The following SH3PXD2A variants were observed in gnomAD, a reference collection of about 807,000 sequenced individuals.
SH3PXD2A encodes SH3 and PX domain-containing protein 2A.
In SH3PXD2A, 32 loss-of-function variants were observed where a neutral mutation model predicts 115.2. That is an observed-to-expected ratio of 0.28 (90% confidence interval 0.21 to 0.37). The LOEUF is 0.37. Ranked by LOEUF, SH3PXD2A falls within the 10% of genes least tolerant of loss-of-function variation. The pLI, the probability that SH3PXD2A is intolerant of heterozygous loss-of-function variation, is 1.00. For missense variants in SH3PXD2A, 1,328 were observed against 1,498.7 expected (o/e 0.89, Z 1.88); for synonymous variants, 610 against 629.1 (o/e 0.97, Z 0.45).
chr10:103,793,534 C>T (rs1020007558), intron 2 of SH3PXD2A, among the ~76,000 whole-genome samples: 2 of 152,202 alleles, frequency 1.3e-5, no homozygotes, highest in Non-Finnish European at 2.9e-5. Flanking sequence ...CCATTGCAAA[C>T]AACATGAGGC....
intron 2 of SH3PXD2A, among the ~76,000 whole-genome samples, chr10:103,788,036 G>T (rs1045768955): frequency 6.6e-6 from 1 of 152,134 alleles, no homozygotes; most frequent in Non-Finnish European, 1.5e-5. Context: ...CCCTTCTGTG[G>T]CTGGGAAAAA....
chr10:103,766,424 G>A (rs1432817776), intron 3 of SH3PXD2A, among the ~76,000 whole-genome samples: 3 of 152,126 alleles, frequency 2.0e-5, no homozygotes, highest in South Asian at 2.1e-4. Context: ...CCACTTTTAC[G>A]GGCAGTTCTT....
At chr10:103,676,044 G>GA (rs888327984) in intron 6 of SH3PXD2A, among the ~76,000 whole-genome samples, 252 of 148,770 alleles carry the variant, frequency 1.7e-3, no homozygotes, top group African/African-American at 4.6e-3. Context: ...CGTCTCGGGG[G>GA]AAAAAAAAAA....
intron 2 of SH3PXD2A, among the ~76,000 whole-genome samples, chr10:103,778,869 C>A (rs2038905955): frequency 6.6e-6 from 1 of 152,188 alleles, no homozygotes; most frequent in African/African-American, 2.4e-5. Flanking sequence ...TTTGTCCCAA[C>A]ACAGATAGCT....
intron 8 of SH3PXD2A, among the ~76,000 whole-genome samples, chr10:103,648,122 C>T (rs772461551): frequency 1.3e-5 from 2 of 152,000 alleles, no homozygotes; most frequent in South Asian, 2.1e-4. Context: ...CTGGTGGGCA[C>T]GACACAGGTG....
intron 3 of SH3PXD2A, among the ~76,000 whole-genome samples, chr10:103,745,575 G>C (rs1254453880): frequency 6.6e-6 from 1 of 152,182 alleles, no homozygotes; most frequent in Non-Finnish European, 1.5e-5. Flanking sequence ...TGAACAAATG[G>C]GATCTCTTAT....
chr10:103,793,476 A>C (rs1000102120), intron 2 of SH3PXD2A, among the ~76,000 whole-genome samples: 1 of 152,224 alleles, frequency 6.6e-6, no homozygotes, highest in Non-Finnish European at 1.5e-5. Flanking sequence ...ATCACAGTTG[A>C]CTTAGCAACT....
intron 4 of SH3PXD2A, among the ~76,000 whole-genome samples, chr10:103,726,575 T>C (rs535730583): frequency 9.7e-4 from 147 of 152,238 alleles, no homozygotes; most frequent in African/African-American, 2.9e-3. Context: ...TTATATTTGT[T>C]TAAAGAAATG....
chr10:103,764,193 C>T (rs1349307277), intron 3 of SH3PXD2A, among the ~76,000 whole-genome samples: 2 of 152,168 alleles, frequency 1.3e-5, no homozygotes, highest in Non-Finnish European at 2.9e-5. Flanking sequence ...TGGCCAGGTT[C>T]TGATTGTGTT....
At chr10:103,772,996 G>A (rs2038843300) in intron 2 of SH3PXD2A, among the ~76,000 whole-genome samples, 2 of 152,206 alleles carry the variant, frequency 1.3e-5, no homozygotes, top group Admixed American at 6.5e-5. Flanking sequence ...GGCCAAGGCG[G>A]GGTGGATCAC....
In SH3PXD2A at chr10:103,784,746, A is replaced by T. The variant is rs1363235879; in HGVS notation, c.153+16536T>A. Among the ~76,000 whole-genome samples the T allele has an allele frequency of 6.8e-6, 1 of 147,488 alleles. No homozygotes were observed. Among genetic ancestry groups the T allele is most frequent in the Admixed American group, 6.9e-5 (1 of 14,530 alleles). On this transcript the variant is annotated intron_variant, in intron 2 of 14. Transcript: ENST00000369774. The surrounding 1 kb of genome is among the most constrained non-coding windows in gnomAD (Gnocchi z 4.4). ...GAAGAAGAGGAAAAGAAAGGGGAGG[A>T]GGAGGAGAAGTAAGAAGGAGGAAGG... is the stretch of plus-strand genomic sequence containing the variant.
chr10:103,831,598 T>C (rs965445043), intron 1 of SH3PXD2A, among the ~76,000 whole-genome samples: 15 of 152,214 alleles, frequency 9.9e-5, no homozygotes, highest in African/African-American at 2.9e-4. Flanking sequence ...TGTGGGAGGA[T>C]TGCTTGAGCC....
chr10:103,709,901 T>A (rs1053161276), intron 5 of SH3PXD2A, among the ~76,000 whole-genome samples: 1 of 151,122 alleles, frequency 6.6e-6, no homozygotes, highest in Non-Finnish European at 1.5e-5. Flanking sequence ...AGGTCAGGAG[T>A]TCGAGACCAG....
intron 4 of SH3PXD2A, among the ~76,000 whole-genome samples, chr10:103,733,230 C>G (rs570025556): frequency 6.6e-6 from 1 of 152,284 alleles, no homozygotes; most frequent in Non-Finnish European, 1.5e-5. Context: ...CCCAGCTACG[C>G]GTGGTACACT....
intron 8 of SH3PXD2A, among the ~76,000 whole-genome samples, chr10:103,646,997 T>TCTTGGGGGGG (rs74481460): frequency 7.3e-5 from 11 of 151,460 alleles, no homozygotes; most frequent in African/African-American, 2.7e-4. Flanking sequence ...TCCAACCACC[T>TCTTGGGGGGG]CCCTTGGAGG....
chr10:103,749,205 A>T (rs2038545436), intron 3 of SH3PXD2A, among the ~76,000 whole-genome samples: 1 of 152,136 alleles, frequency 6.6e-6, no homozygotes, highest in African/African-American at 2.4e-5. Flanking sequence ...CTCGGGGAGC[A>T]GCCTGGGCCT....
chr10:103,805,440 T>C (rs777789659), intron 1 of SH3PXD2A, among the ~76,000 whole-genome samples: 6 of 152,214 alleles, frequency 3.9e-5, no homozygotes, highest in South Asian at 4.1e-4. Context: ...CCAGTACTGA[T>C]GAAAACATGG....
chr10:103,761,054 T>C (rs1362391161), intron 3 of SH3PXD2A, among the ~76,000 whole-genome samples: 1 of 152,086 alleles, frequency 6.6e-6, no homozygotes, highest in Non-Finnish European at 1.5e-5. Flanking sequence ...GGCCTGGGAG[T>C]ACAGTTTCTC....
At chr10:103,852,830 C>T (rs1842908749) in intron 1 of SH3PXD2A, among the ~76,000 whole-genome samples, 1 of 152,182 alleles carries the variant, frequency 6.6e-6, no homozygotes, top group South Asian at 2.1e-4. Context: ...AACTTTTTGA[C>T]CACCAGTTAT....
Sources: gnomAD v4.1 joint callset for allele counts (sites outside exome capture counted in the v4.1 genomes callset) on GRCh38, gnomAD v4.1.1 for gene constraint, Gnocchi (gnomAD v3.1) non-coding constraint, MANE v1.5 for transcripts, NCBI Gene and HGNC (gene_info 2026-07-23, HGNC 2026-07-21) for gene names.